Variants in SUCLG2 observed in about 807,000 individuals in gnomAD.
The protein encoded by SUCLG2 is succinate-CoA ligase GDP-forming subunit beta.
In SUCLG2, 42 loss-of-function variants were observed where a neutral mutation model predicts 47.9. The observed-to-expected ratio is 0.88, with a 90% CI of 0.69 to 1.14. The LOEUF (loss-of-function observed/expected upper bound fraction) is 1.14, where lower values mean the gene tolerates loss of function less well. SUCLG2 is among the 50% of genes most tolerant of loss of function. SUCLG2 has a pLI of 0.00. For synonymous variants in SUCLG2, 195 were observed against 197.3 expected (o/e 0.99, Z 0.10); for missense variants, 571 against 525.9 (o/e 1.09, Z -0.84).
chr3:67,594,204 C>T (rs908771485), intron 2 of SUCLG2, among the ~76,000 whole-genome samples: 1 of 152,184 alleles, frequency 6.6e-6, no homozygotes, highest in Non-Finnish European at 1.5e-5. Context: ...TGTTACCTAG[C>T]GTTGTTGAGG....
At chr3:67,520,788 A>C (rs778361033) in intron 4 of SUCLG2, among the ~76,000 whole-genome samples, 154 bp from the exon 5 acceptor site, 7 of 152,206 alleles carry the variant, frequency 4.6e-5, no homozygotes, top group South Asian at 2.1e-4. Context: ...TTCTGCTCTC[A>C]TGGTGCACAC....
chr3:67,547,105 A>G (rs1488279948), intron 2 of SUCLG2, among the ~76,000 whole-genome samples: 1 of 152,150 alleles, frequency 6.6e-6, no homozygotes, highest in East Asian at 1.9e-4. Context: ...AGGTGATAGT[A>G]CTGGGAGGTG....
At chr3:67,408,627 A>C (rs1559515298) in intron 9 of SUCLG2, 1 of 1,031,316 alleles carries the variant, frequency 9.7e-7, no homozygotes, top group African/African-American at 1.7e-5. Flanking sequence ...ATTAGACTCC[A>C]ATCTGTCCTT....
chr3:67,589,502 T>C (rs1329165369), intron 2 of SUCLG2, among the ~76,000 whole-genome samples: 2 of 152,226 alleles, frequency 1.3e-5, no homozygotes, highest in Non-Finnish European at 2.9e-5. Context: ...GTATCTTGGA[T>C]ACCCCACTAC....
chr3:67,431,641 G>A (rs1703482980), intron 9 of SUCLG2, among the ~76,000 whole-genome samples: 1 of 150,672 alleles, frequency 6.6e-6, no homozygotes, highest in Non-Finnish European at 1.5e-5. Context: ...CACAAGGACA[G>A]AAAACCAAAC....
intron 9 of SUCLG2, 142 bp downstream of exon 9, chr3:67,495,651 CAAAAA>C: frequency 2.0e-5 from 13 of 652,150 alleles, no homozygotes; most frequent in Admixed American, 3.5e-5. Context: ...GACTCCGTCT[CAAAAA>C]AAAAAAAAAA....
intron 2 of SUCLG2, among the ~76,000 whole-genome samples, chr3:67,531,007 G>C (rs148516184): frequency 5.8e-4 from 88 of 152,296 alleles, no homozygotes; most frequent in Non-Finnish European, 1.1e-3. Flanking sequence ...TTGTAGAGAA[G>C]AAACAACTGA....
chr3:67,573,796 C>T (rs911853834), intron 2 of SUCLG2, among the ~76,000 whole-genome samples: 4 of 151,912 alleles, frequency 2.6e-5, no homozygotes, highest in Non-Finnish European at 4.4e-5. Context: ...TTCTTTTTCA[C>T]CCAATAAAAC....
At chr3:67,643,422 T>A (rs963921458) in intron 1 of SUCLG2, among the ~76,000 whole-genome samples, 2 of 152,194 alleles carry the variant, frequency 1.3e-5, no homozygotes, top group Admixed American at 1.3e-4. Flanking sequence ...TAACCTGAAG[T>A]ATGCTGAACT....
chr3:67,497,364 G>C (rs1288489960), intron 8 of SUCLG2, among the ~76,000 whole-genome samples: 1 of 152,124 alleles, frequency 6.6e-6, no homozygotes, highest in Non-Finnish European at 1.5e-5. Context: ...ACACAGTCTT[G>C]TGCAATTAAG....
intron 6 of SUCLG2, among the ~76,000 whole-genome samples, chr3:67,512,594 C>T (rs1279432734): frequency 6.6e-6 from 1 of 150,768 alleles, no homozygotes; most frequent in Non-Finnish European, 1.5e-5. Flanking sequence ...TAATCTAATC[C>T]AGCTACTTCA....
In SUCLG2 at chr3:67,508,792, C is replaced by CA; in HGVS notation, c.757+14_757+15insT. The CA allele has an allele frequency of 8.1e-7, 1 of 1,232,872 alleles. No individual in the cohort carries two copies. The highest frequency in any genetic ancestry group is 1.1e-6 in the Non-Finnish European group (1 of 887,916). The allele number at this position is 1,232,872 out of a possible 1,614,324, so 76.4% of individuals were successfully genotyped here. A position where few individuals can be genotyped will look rare whatever the true frequency, so the allele number is the denominator to read the frequency against. ...AATACATTCATTTGTTTTCTCAATT[C>CA]TTTTTTTTTTTTACCTTGTCCTTCT... On this transcript the variant is annotated intron_variant, in intron 7 of 10. Transcript: ENST00000307227.
rs1575743112 is a variant in SUCLG2 at position 67,508,840 on chromosome 3, C to A, written c.724G>T (p.Val242Leu). The change falls in exon 7 of 11, where the codon GTG (valine) becomes TTG (leucine). Residue 242 changes from valine (V) to leucine (L), a missense_variant. Transcript: ENST00000307227. ...TCTGGAGTTTCACCAAAGGGATTCA[C>A]TTCCACCTGAGTAGCATCAATTTTC... The part of the protein sequence containing the change: ...FLKIDATQVE[V>L]NPFGETPEGQ... 1 of 1,611,236 alleles carries A rather than the reference C, an allele frequency of 6.2e-7. No homozygotes were observed. Among genetic ancestry groups the A allele is most frequent in the East Asian group, 2.2e-5 (1 of 44,762 alleles).
chr3:67,560,818 CCTT>C (rs1193415961), intron 2 of SUCLG2, among the ~76,000 whole-genome samples: 1 of 151,738 alleles, frequency 6.6e-6, no homozygotes, highest in African/African-American at 2.4e-5. Flanking sequence ...CTCTCCCCCT[CCTT>C]CAGGTTAGGA....
intron 2 of SUCLG2, among the ~76,000 whole-genome samples, chr3:67,567,459 C>T (rs1222523808): frequency 6.6e-6 from 1 of 151,940 alleles, no homozygotes; most frequent in Non-Finnish European, 1.5e-5. Context: ...CCACACCTGG[C>T]TAGTTTTTTT....
chr3:67,597,237 C>T (rs1374404488), intron 2 of SUCLG2, among the ~76,000 whole-genome samples: 2 of 152,210 alleles, frequency 1.3e-5, no homozygotes, highest in African/African-American at 4.8e-5. Context: ...TTCTTAATTT[C>T]CCAACTTCCC....
Position 67,495,992 on chromosome 3 carries a change from G to A in SUCLG2, c.920-52C>T, listed in dbSNP as rs187221449. The A allele has an allele frequency of 3.8e-3, 6,156 of 1,608,616 alleles. 23 individuals are homozygous for A. The highest frequency in any genetic ancestry group is 4.8e-3 in the Non-Finnish European group (5,593 of 1,176,860). ...CAGGCTACATTTAGCAACATGAAAT[G>A]GTCCATAAACATTTTCCCTCCCCCA... is the stretch of plus-strand genomic sequence containing the variant. On this transcript the variant is annotated intron_variant, in intron 8 of 10. Transcript: ENST00000307227.
At chr3:67,555,502 T>C (rs1015474091) in intron 2 of SUCLG2, among the ~76,000 whole-genome samples, 4 of 152,138 alleles carry the variant, frequency 2.6e-5, no homozygotes, top group Non-Finnish European at 5.9e-5. Context: ...AAATACAATC[T>C]TTCCCAAAAA....
In SUCLG2 at chr3:67,624,505, A is replaced by C. The variant is rs550957304; in HGVS notation, c.85-14909T>G. Among the ~76,000 whole-genome samples, 180 of 152,354 alleles carry C rather than the reference A, an allele frequency of 1.2e-3. 1 individual carries two copies. Among genetic ancestry groups the C allele is most frequent in the African/African-American group, 3.8e-3 (159 of 41,576 alleles). On this transcript the variant is annotated intron_variant, in intron 1 of 10. Transcript: ENST00000307227. Reference sequence around the variant, plus strand: ...CCTTTCTTTCACAATTTCATTGTCAAAATCTCCATTTAAGGAGAAATAATA... The same window carrying C: ...CCTTTCTTTCACAATTTCATTGTCACAATCTCCATTTAAGGAGAAATAATA...
Sources: allele counts gnomAD v4.1 joint callset (sites outside exome capture counted in the v4.1 genomes callset), GRCh38; gene constraint gnomAD v4.1.1; transcripts MANE v1.5; gene names NCBI Gene and HGNC (gene_info 2026-07-23, HGNC 2026-07-21).